The following NUP205 variants were observed in gnomAD, a reference collection of about 807,000 sequenced individuals.
NUP205 encodes nucleoporin 205, also known as nuclear pore complex protein Nup205.
NUP205 carries 76 observed loss-of-function variants against 253.8 expected under a neutral mutation model. The ratio of observed to expected loss-of-function variants is 0.30; its 90% CI spans 0.25 to 0.36. The LOEUF (loss-of-function observed/expected upper bound fraction) is 0.36. NUP205 is among the 10% of genes least tolerant of loss of function. NUP205 has a pLI of 1.00. For synonymous variants in NUP205, 832 were observed against 850.1 expected (o/e 0.98, Z 0.37); for missense variants, 2,162 against 2,425.5 (o/e 0.89, Z 2.28).
At chr7:135,638,818 A>G (rs1178005116) in intron 38 of NUP205, 135 bp downstream of exon 38, 10 of 915,250 alleles carry the variant, frequency 1.1e-5, no homozygotes, top group African/African-American at 1.7e-5. Flanking sequence ...AATAAGTTTT[A>G]AAGTTGAGCG....
intron 38 of NUP205, among the ~76,000 whole-genome samples, chr7:135,642,836 G>A (rs1295103900): frequency 2.3e-5 from 3 of 129,232 alleles, no homozygotes; most frequent in Non-Finnish European, 5.0e-5. Flanking sequence ...TGTTTTTGAT[G>A]TGGAGGGGTG....
At chr7:135,560,276 G>A (rs1294789156) in intron 1 of NUP205, among the ~76,000 whole-genome samples, 1 of 152,164 alleles carries the variant, frequency 6.6e-6, no homozygotes, top group African/African-American at 2.4e-5. Context: ...GATTACAGGC[G>A]TGAGCCACTG....
intron 38 of NUP205, among the ~76,000 whole-genome samples, chr7:135,639,955 G>A (rs1046138213): frequency 7.2e-5 from 11 of 152,096 alleles, no homozygotes; most frequent in African/African-American, 2.7e-4. Flanking sequence ...AACTAACACA[G>A]GAACAGAAAA....
intron 7 of NUP205, among the ~76,000 whole-genome samples, chr7:135,580,819 A>G (rs1042191001): frequency 6.6e-6 from 1 of 152,052 alleles, no homozygotes; most frequent in Non-Finnish European, 1.5e-5. Context: ...TTATTATAAT[A>G]TTATGTAATA....
At chr7:135,632,202 T>C (rs1794728752) in intron 35 of NUP205, among the ~76,000 whole-genome samples, 1 of 152,226 alleles carries the variant, frequency 6.6e-6, no homozygotes, top group Admixed American at 6.5e-5. Context: ...GAATATGTAA[T>C]ATAAATGATA....
At chr7:135,628,908 A>G (rs944163625) in intron 34 of NUP205, among the ~76,000 whole-genome samples, 1 of 152,234 alleles carries the variant, frequency 6.6e-6, no homozygotes, top group Admixed American at 6.5e-5. Context: ...TTTTAGGCCT[A>G]TGTGGTCTTC....
At chr7:135,557,998 A>G in intron 1 of NUP205, 26 bp downstream of exon 1, 1 of 1,602,654 alleles carries the variant, frequency 6.2e-7, no homozygotes. Flanking sequence ...CAGAAAGACG[A>G]TTGAGCTGAG....
rs961231071 is a variant in NUP205 at position 135,615,850 on chromosome 7, A to C, written c.3311-66A>C. The C allele has an allele frequency of 9.6e-6, 10 of 1,037,962 alleles. No individual in the cohort carries two copies. The Admixed American group carries it at 1.4e-4, about 14-fold the overall frequency. 64.3% of individuals were successfully genotyped at this position (1,037,962 alleles called of 1,614,324 possible). On this transcript the variant is annotated intron_variant, in intron 23 of 42. Coordinates refer to ENST00000285968, the MANE Select transcript of NUP205 (RefSeq NM_015135.3). ...TGGGAAAATATCTGTTGAGTTACAG[A>C]ATTTAAGTCTGTTTTGATACTGTGT...
chr7:135,630,487 GAA>G lies in NUP205; in HGVS notation c.5059+19_5059+20del. 1 of 1,573,256 alleles carries G rather than the reference GAA, an allele frequency of 6.4e-7. No homozygotes were observed. The highest frequency in any genetic ancestry group is 2.3e-5 in the East Asian group (1 of 44,012). The stretch of plus-strand genomic sequence containing the variant: ...CACTTCCTGGTGAGTTGATTATGTT[GAA>G]AGGATTTTTAATAATTCTTTAAAGA... On this transcript the variant is annotated intron_variant, in intron 35 of 42. Transcript: ENST00000285968.
At chr7:135,559,267 G>A (rs11760746) in intron 1 of NUP205, among the ~76,000 whole-genome samples, 33,827 of 152,228 alleles carry the variant, frequency 0.22, 4,356 homozygotes, top group East Asian at 0.5. Flanking sequence ...TAGAAGGTTA[G>A]TAATGAAGTT....
intron 1 of NUP205, among the ~76,000 whole-genome samples, chr7:135,563,160 A>G (rs1805637949): frequency 6.6e-6 from 1 of 151,558 alleles, no homozygotes; most frequent in African/African-American, 2.4e-5. Flanking sequence ...TCATATCCTG[A>G]CCACAGTTGG....
At chr7:135,616,610 G>A (rs762929904) in intron 24 of NUP205, 45 bp from the exon 25 acceptor site, 6 of 1,147,396 alleles carry the variant, frequency 5.2e-6, no homozygotes, top group African/African-American at 1.6e-5. Flanking sequence ...AGTTTTAAGA[G>A]TATGTTCTTC....
At chr7:135,562,629 CCT>C (rs1485670447) in intron 1 of NUP205, among the ~76,000 whole-genome samples, 1 of 136,540 alleles carries the variant, frequency 7.3e-6, no homozygotes, top group African/African-American at 2.7e-5. Context: ...CTCACTGAAA[CCT>C]CTGCCTCCCA....
chr7:135,637,192 G>T (rs1265049389), intron 36 of NUP205, among the ~76,000 whole-genome samples: 1 of 152,126 alleles, frequency 6.6e-6, no homozygotes, highest in Non-Finnish European at 1.5e-5. Flanking sequence ...AATCCTGACA[G>T]CCATCTTATA....
At chr7:135,596,542 G>A (rs1341140303) in intron 13 of NUP205, among the ~76,000 whole-genome samples, 1 of 152,158 alleles carries the variant, frequency 6.6e-6, no homozygotes, top group Non-Finnish European at 1.5e-5. Flanking sequence ...TTGCAAGAAA[G>A]TAAAGTATCA....
chr7:135,595,952 A>G (rs1319687091), intron 13 of NUP205, among the ~76,000 whole-genome samples: 1 of 149,570 alleles, frequency 6.7e-6, no homozygotes. Flanking sequence ...TTTTTTTTTT[A>G]AGATGAAGTT....
chr7:135,605,146 C>G (rs1794060365), intron 19 of NUP205, among the ~76,000 whole-genome samples: 1 of 152,088 alleles, frequency 6.6e-6, no homozygotes, highest in South Asian at 2.1e-4. Context: ...GCCTCTGCCC[C>G]TGGGCTCAAG....
intron 1 of NUP205, among the ~76,000 whole-genome samples, chr7:135,569,165 G>A (rs1191771633): frequency 6.6e-6 from 1 of 152,180 alleles, no homozygotes; most frequent in African/African-American, 2.4e-5. Flanking sequence ...CCGCCTCCTG[G>A]GTTCAAGCAA....
intron 12 of NUP205, 48 bp downstream of exon 12, chr7:135,593,240 A>G: frequency 6.7e-7 from 1 of 1,486,230 alleles, no homozygotes. Context: ...ATAGCACAGT[A>G]GCATTTTAAG....
Sources: gnomAD v4.1 joint callset for allele counts (sites outside exome capture counted in the v4.1 genomes callset) on GRCh38, gnomAD v4.1.1 for gene constraint, MANE v1.5 for transcripts, NCBI Gene and HGNC (gene_info 2026-07-23, HGNC 2026-07-21) for gene names.